The following SMARCC1 variants were observed in gnomAD, a reference collection of about 807,000 sequenced individuals.
The protein encoded by SMARCC1 is SWI/SNF related BAF chromatin remodeling complex subunit C1.
A neutral mutation model predicts 147.4 loss-of-function variants in SMARCC1; 43 were observed. The observed-to-expected ratio is 0.29, with a 90% confidence interval of 0.23 to 0.38. The LOEUF is 0.38. Among genes scored for constraint, SMARCC1 ranks in the 10% least tolerant of loss-of-function variants. The pLI is 1.00. For missense variants in SMARCC1, 1,119 were observed against 1,381.1 expected (o/e 0.81, Z 3.01); for synonymous variants, 495 against 484.4 (o/e 1.02, Z -0.29).
At chr3:47,773,500 G>A (rs1389079035) in intron 1 of SMARCC1, among the ~76,000 whole-genome samples, 1 of 151,268 alleles carries the variant, frequency 6.6e-6, no homozygotes, top group South Asian at 2.1e-4. Context: ...ACATCAGCTA[G>A]GAAGCTTCAC....
At chr3:47,724,448 T>C (rs541921848) in intron 6 of SMARCC1, among the ~76,000 whole-genome samples, 2 of 152,298 alleles carry the variant, frequency 1.3e-5, no homozygotes, top group African/African-American at 4.8e-5. Flanking sequence ...GAAAGCAGAA[T>C]GGTAGTCAAA....
intron 25 of SMARCC1, among the ~76,000 whole-genome samples, chr3:47,614,150 C>T (rs1404773722): frequency 6.6e-6 from 1 of 152,148 alleles, no homozygotes; most frequent in Non-Finnish European, 1.5e-5. Flanking sequence ...ACCCCAAATC[C>T]AAAACAGACA....
At chr3:47,703,892 G>C (rs1202137124) in intron 10 of SMARCC1, among the ~76,000 whole-genome samples, 3 of 152,162 alleles carry the variant, frequency 2.0e-5, no homozygotes, top group African/African-American at 7.2e-5. Context: ...CGCCTCCTGG[G>C]TTCATGCCAT....
intron 2 of SMARCC1, among the ~76,000 whole-genome samples, chr3:47,760,910 A>G (rs2034765573): frequency 6.6e-6 from 1 of 151,796 alleles, no homozygotes; most frequent in Non-Finnish European, 1.5e-5. Flanking sequence ...AGGCAGGCAG[A>G]TCACTTGAGG....
At chr3:47,665,949 C>T (rs1184894758) in intron 19 of SMARCC1, among the ~76,000 whole-genome samples, 4 of 151,582 alleles carry the variant, frequency 2.6e-5, no homozygotes, top group African/African-American at 7.3e-5. Context: ...CCTCATAGAT[C>T]GATTATTATA....
chr3:47,751,268 C>T (rs143035712), intron 2 of SMARCC1, among the ~76,000 whole-genome samples: 2 of 152,076 alleles, frequency 1.3e-5, no homozygotes, highest in South Asian at 2.1e-4. Context: ...GATGGCCAGG[C>T]GTGGTGGTTC....
intron 1 of SMARCC1, among the ~76,000 whole-genome samples, chr3:47,778,194 A>G (rs532474071): frequency 1.4e-5 from 2 of 146,392 alleles, no homozygotes; most frequent in Admixed American, 1.3e-4. Flanking sequence ...CCATCTCAAA[A>G]AAAAAAAACA....
At chr3:47,590,153 G>A (rs1022922435) in intron 27 of SMARCC1, among the ~76,000 whole-genome samples, 30 of 152,176 alleles carry the variant, frequency 2.0e-4, no homozygotes, top group African/African-American at 7.0e-4. Flanking sequence ...CTGGAACTTC[G>A]TATTTCCTCT....
At chr3:47,718,851 A>G (rs748953043) in intron 7 of SMARCC1, among the ~76,000 whole-genome samples, 2 of 152,126 alleles carry the variant, frequency 1.3e-5, no homozygotes, top group South Asian at 2.1e-4. Flanking sequence ...ATATAGTACA[A>G]ACAATGTTAT....
At chr3:47,679,604 G>A (rs962551381) in intron 15 of SMARCC1, among the ~76,000 whole-genome samples, 5 of 152,210 alleles carry the variant, frequency 3.3e-5, no homozygotes, top group Non-Finnish European at 7.3e-5. Context: ...GCTCACGCCT[G>A]TAATCCTAGC....
In SMARCC1 at chr3:47,705,323, C is replaced by CAAAAAAAAAAAAAAAAAAAAAAAAAAA; in HGVS notation, c.1040+1085_1040+1086insTTTTTTTTTTTTTTTTTTTTTTTTTTT. Among the ~76,000 whole-genome samples, 2 of 103,754 alleles carry CAAAAAAAAAAAAAAAAAAAAAAAAAAA rather than the reference C, an allele frequency of 1.9e-5. 1 individual carries two copies. Among genetic ancestry groups the CAAAAAAAAAAAAAAAAAAAAAAAAAAA allele is most frequent in the Non-Finnish European group, 3.8e-5 (2 of 52,840 alleles). 68.1% of individuals were successfully genotyped at this position (103,754 alleles called of 152,430 possible). ...CTGGTAACAGAGCGAGACTCCGTCTCAAAAAAAAAAAAAAAAAAAACGAAC... is the reference window on the plus strand; with the variant it reads ...CTGGTAACAGAGCGAGACTCCGTCTCAAAAAAAAAAAAAAAAAAAAAAAAAAAAAAAAAAAAAAAAAAAAAAACGAAC... On this transcript the variant is annotated intron_variant, in intron 10 of 27. Coordinates refer to ENST00000254480, the MANE Select transcript of SMARCC1 (RefSeq NM_003074.4).
chr3:47,688,421 C>T (rs1418371409), intron 13 of SMARCC1, among the ~76,000 whole-genome samples: 2 of 148,592 alleles, frequency 1.3e-5, no homozygotes. Context: ...TGAATGTATA[C>T]AACAATGATA....
intron 2 of SMARCC1, among the ~76,000 whole-genome samples, chr3:47,770,558 G>C (rs182167243): frequency 1.3e-4 from 20 of 152,194 alleles, no homozygotes; most frequent in Admixed American, 2.6e-4. Context: ...GGGAAGCAGA[G>C]GTCGTGGTGA....
At chr3:47,781,363 G>C (rs903427400) in intron 1 of SMARCC1, among the ~76,000 whole-genome samples, 1 of 152,248 alleles carries the variant, frequency 6.6e-6, no homozygotes, top group Non-Finnish European at 1.5e-5. Flanking sequence ...TGGCACACGA[G>C]ACTGAGCAGG....
At chr3:47,723,363 T>G (rs895222268) in intron 6 of SMARCC1, among the ~76,000 whole-genome samples, 2 of 143,884 alleles carry the variant, frequency 1.4e-5, no homozygotes, top group African/African-American at 2.5e-5. Flanking sequence ...GGGTTTTTTT[T>G]TTTTTTTTTT....
At position 47,661,283 on chromosome 3, in the gene SMARCC1, C is replaced by A; in HGVS notation, c.2320+11G>T. 4 of 1,598,868 alleles carry A rather than the reference C, an allele frequency of 2.5e-6. No homozygotes were observed. The highest frequency in any genetic ancestry group is 3.4e-6 in the Non-Finnish European group (4 of 1,174,670). On this transcript the variant is annotated intron_variant, in intron 21 of 27. Transcript: ENST00000254480. ...TATTAACCCTGTCCCTTAAAAGCAG[C>A]AGTGACTCACCAAGCTTCTCTGGCT... is the stretch of plus-strand genomic sequence containing the variant.
chr3:47,728,932 C>A, intron 6 of SMARCC1, 93 bp downstream of exon 6: 1 of 728,114 alleles, frequency 1.4e-6, no homozygotes, highest in Non-Finnish European at 2.2e-6. Context: ...AAATAAAAAG[C>A]TGGTTATTCT....
chr3:47,689,841 C>A (rs186626983), intron 12 of SMARCC1, among the ~76,000 whole-genome samples: 38 of 152,216 alleles, frequency 2.5e-4, no homozygotes, highest in Non-Finnish European at 3.4e-4. Context: ...CTTAGTAAGA[C>A]AATGCCTTCT....
At chr3:47,600,977 C>T (rs1473472101) in intron 26 of SMARCC1, among the ~76,000 whole-genome samples, 1 of 118,034 alleles carries the variant, frequency 8.5e-6, no homozygotes, top group Non-Finnish European at 1.7e-5. Flanking sequence ...TTTTTCCCAG[C>T]AGACAGGGAG....
Sources: gnomAD v4.1 joint callset for allele counts (sites outside exome capture counted in the v4.1 genomes callset) on GRCh38, gnomAD v4.1.1 for gene constraint, MANE v1.5 for transcripts, NCBI Gene and HGNC (gene_info 2026-07-23, HGNC 2026-07-21) for gene names.